The following SLCO1A2 variants were observed in gnomAD, a reference collection of about 807,000 sequenced individuals.
SLCO1A2 encodes solute carrier organic anion transporter family member 1A2, also known as OATP-1.
In SLCO1A2, 67 loss-of-function variants were observed where a neutral mutation model predicts 69.0. The observed-to-expected ratio is 0.97, with a 90% CI of 0.80 to 1.19. SLCO1A2 has a LOEUF of 1.19. Among genes scored for constraint, SLCO1A2 ranks in the 50% most tolerant of loss-of-function variants. The pLI, the probability that SLCO1A2 is intolerant of heterozygous loss-of-function variation, is 0.00. For missense variants in SLCO1A2, 787 were observed against 793.7 expected (o/e 0.99, Z 0.10); for synonymous variants, 260 against 265.9 (o/e 0.98, Z 0.22).
chr12:21,359,681 A>G (rs1206242004), intron 2 of SLCO1A2, among the ~76,000 whole-genome samples: 1 of 151,734 alleles, frequency 6.6e-6, no homozygotes, highest in Non-Finnish European at 1.5e-5. Flanking sequence ...CAGGAGGCAG[A>G]GCTTGCAGTG....
intron 2 of SLCO1A2, among the ~76,000 whole-genome samples, chr12:21,357,163 C>A (rs1938433386): frequency 6.6e-6 from 1 of 152,086 alleles, no homozygotes; most frequent in Non-Finnish European, 1.5e-5. Flanking sequence ...AATAGTACCT[C>A]AGAATGAAAC....
At chr12:21,384,394 C>T (rs1239742120) in intron 1 of SLCO1A2, among the ~76,000 whole-genome samples, 3 of 152,212 alleles carry the variant, frequency 2.0e-5, no homozygotes, top group Admixed American at 6.5e-5. Context: ...CGCACAACCA[C>T]ATCTAGAATT....
rs533304498 is a variant in SLCO1A2, at chr12:21,267,083, G to T, written c.*2465C>A. On this transcript the variant is annotated 3_prime_UTR_variant, in exon 15 of 15. Coordinates refer to ENST00000683939, the MANE Select transcript of SLCO1A2 (RefSeq NM_001386879.1). ...GCTCAGAATAAGAACTAAACTCCCA[G>T]GCTTCATGTATACCAACAAAAGAGG... The T allele has an allele frequency of 5.9e-5, 9 of 152,030 alleles. No individual in the cohort carries two copies. In the East Asian group the frequency reaches 1.7e-3, roughly 29 times the overall value. 9.4% of individuals were successfully genotyped at this position (152,030 alleles called of 1,614,324 possible).
upstream of SLCO1A2, among the ~76,000 whole-genome samples, chr12:21,418,832 A>G (rs777660105): frequency 2.4e-4 from 36 of 152,192 alleles, no homozygotes; most frequent in Non-Finnish European, 4.1e-4. Flanking sequence ...ACAGGGGATT[A>G]GCAAACTACC....
intron 2 of SLCO1A2, among the ~76,000 whole-genome samples, chr12:21,370,151 G>T (rs574314249): frequency 6.6e-6 from 1 of 151,994 alleles, no homozygotes; most frequent in Non-Finnish European, 1.5e-5. Context: ...TTCTGCTCCT[G>T]AGTAGCTCTG....
At position 21,300,456 on chromosome 12, in the gene SLCO1A2, T is replaced by C. The variant is rs1948569390; in HGVS notation, c.802A>G (p.Asn268Asp). Residue 268 changes from asparagine (N) to aspartate (D), a missense_variant, in exon 8 of 15, where the codon AAC becomes GAC. By Grantham distance (23) the Asn-to-Asp change is conservative. Coordinates refer to ENST00000683939, the MANE Select transcript of SLCO1A2 (RefSeq NM_001386879.1). ...TCTAGTCCTTCCTTTGGAAGTGTGT[T>C]GGGCAAAAAGAAAAAAGGAATGGCA... ...LTAIPFFFLP[N>D]TLPKEGLETN... is the part of the protein sequence containing the mutation. 6.2e-7 allele frequency: 1 copy of C among 1,613,506 alleles called. No individual in the cohort carries two copies. Among genetic ancestry groups the C allele is most frequent in the Non-Finnish European group, 8.5e-7 (1 of 1,179,794 alleles).
intron 1 of SLCO1A2, among the ~76,000 whole-genome samples, chr12:21,390,135 G>T (rs1411858140): frequency 6.6e-6 from 1 of 151,894 alleles, no homozygotes; most frequent in Non-Finnish European, 1.5e-5. Context: ...TGTGTAACTT[G>T]TAAGACAAAA....
Position 21,416,461 on chromosome 12 carries a change from A to G in SLCO1A2, c.-312+1421T>C, listed in dbSNP as rs371581585. On this transcript the variant is annotated intron_variant, in intron 1 of 4. Transcript: ENST00000413682. ...ATATTTCAATTATTTGTTCCCAAGTATAAACATTATATCATTAGGAGGATT... is the reference window on the plus strand; with the variant it reads ...ATATTTCAATTATTTGTTCCCAAGTGTAAACATTATATCATTAGGAGGATT... Among the ~76,000 whole-genome samples the G allele has an allele frequency of 7.2e-5, 11 of 152,256 alleles. No homozygotes were observed. The East Asian group carries it at 2.1e-3, about 29-fold the overall frequency.
chr12:21,304,314 A>G (rs1949082399), intron 6 of SLCO1A2, 113 bp downstream of exon 6: 1 of 814,292 alleles, frequency 1.2e-6, no homozygotes, highest in Non-Finnish European at 1.9e-6. Flanking sequence ...AACTGTGCCA[A>G]GATACTCTAC....
Position 21,323,537 on chromosome 12 carries a change from C to T in SLCO1A2, c.61-4614G>A, listed in dbSNP as rs528114746. Among the ~76,000 whole-genome samples, 10 of 152,116 alleles carry T rather than the reference C, an allele frequency of 6.6e-5. No individual in the cohort carries two copies. In the South Asian group the frequency reaches 1.0e-3, roughly 16 times the overall value. ...CCTTGATGGCACCACTACACTCCAGCCTGGGTGACAGAGTAAGACCCTGAG... is the reference window on the plus strand; with the variant it reads ...CCTTGATGGCACCACTACACTCCAGTCTGGGTGACAGAGTAAGACCCTGAG... On this transcript the variant is annotated intron_variant, in intron 2 of 14. Coordinates refer to ENST00000683939, the MANE Select transcript of SLCO1A2 (RefSeq NM_001386879.1).
intron 2 of SLCO1A2, among the ~76,000 whole-genome samples, chr12:21,363,036 C>T (rs1384606965): frequency 6.6e-6 from 1 of 152,146 alleles, no homozygotes; most frequent in Non-Finnish European, 1.5e-5. Context: ...AGCTCTGCAC[C>T]AAGCGGACCT....
chr12:21,418,589 C>G (rs924163679), upstream of SLCO1A2, among the ~76,000 whole-genome samples: 1 of 152,040 alleles, frequency 6.6e-6, no homozygotes, highest in African/African-American at 2.4e-5. Flanking sequence ...AAGGGAAAAC[C>G]CCTTATAAAA....
At position 21,314,610 on chromosome 12, in the gene SLCO1A2, C is replaced by A; in HGVS notation, c.274G>T (p.Gly92Ter). 1 of 1,613,770 alleles carries A rather than the reference C, an allele frequency of 6.2e-7. No homozygotes were observed. The highest frequency in any genetic ancestry group is 1.1e-5 in the South Asian group (1 of 91,080). ...CAGCCTAAGCCCATAACCACACATC[C>A]AATGCCAATCATTATAGGTCTATGC... ...KLHRPIMIGI[G>*]CVVMGLGCFL... The change falls in exon 4 of 15, where the codon GGA (glycine) becomes TGA (stop). Residue 92 changes from glycine (G) to a stop codon, truncating the protein, a stop_gained. Transcript: ENST00000683939. LOFTEE classifies it high-confidence loss of function.
chr12:21,402,449 C>T (rs761665011), intron 1 of SLCO1A2, among the ~76,000 whole-genome samples: 18 of 151,786 alleles, frequency 1.2e-4, no homozygotes, highest in Admixed American at 7.9e-4. Context: ...TAAGGAAATG[C>T]GATTGAAAAG....
intron 2 of SLCO1A2, among the ~76,000 whole-genome samples, chr12:21,370,840 T>C (rs1939731726): frequency 1.3e-5 from 2 of 152,210 alleles, no homozygotes; most frequent in Non-Finnish European, 2.9e-5. Context: ...GTATGCTTTC[T>C]ACATCACTGT....
rs376154842 is a variant in SLCO1A2, at chr12:21,300,540, G to A, written c.718C>T (p.Arg240Cys). The A allele has an allele frequency of 1.8e-5, 29 of 1,612,276 alleles. No homozygotes were observed. The highest frequency in any genetic ancestry group is 3.3e-5 in the Admixed American group (2 of 59,780). ...DDLIITPTDT[R>C]WVGAWWFGFL... Reference sequence around the variant, plus strand: ...CCAAACCACCATGCACCGACCCAACGAGTGTCAGTGGGAGTTATGATCAGA... The same window carrying A: ...CCAAACCACCATGCACCGACCCAACAAGTGTCAGTGGGAGTTATGATCAGA... Residue 240 changes from arginine to cysteine, a missense_variant, in exon 8 of 15, where the codon CGT (arginine) becomes TGT (cysteine). By Grantham distance (180) the Arg-to-Cys change is radical (BLOSUM62 -3). Coordinates refer to ENST00000683939, the MANE Select transcript of SLCO1A2 (RefSeq NM_001386879.1).
intron 2 of SLCO1A2, chr12:21,373,649 T>C: frequency 1.4e-6 from 1 of 701,658 alleles, no homozygotes; most frequent in Non-Finnish European, 2.6e-6. Context: ...CAGACAGGAA[T>C]GGATAATTCC....
At chr12:21,307,700 T>C (rs555144056) in intron 4 of SLCO1A2, among the ~76,000 whole-genome samples, 12 of 152,326 alleles carry the variant, frequency 7.9e-5, no homozygotes, top group African/African-American at 2.9e-4. Flanking sequence ...GTTCAAAGTA[T>C]GTTCAGTGAA....
chr12:21,417,768 T>C (rs1942010954), intron 1 of SLCO1A2: 1 of 152,240 alleles, frequency 6.6e-6, no homozygotes, highest in African/African-American at 2.4e-5. Flanking sequence ...CCTAAACTGT[T>C]TGGGAGAATG....
Sources: gnomAD v4.1 joint callset for allele counts (sites outside exome capture counted in the v4.1 genomes callset) on GRCh38, gnomAD v4.1.1 for gene constraint, MANE v1.5 for transcripts, NCBI Gene and HGNC (gene_info 2026-07-23, HGNC 2026-07-21) for gene names.